UIMC1: variants seen among roughly 807,000 people sequenced by gnomAD.
UIMC1 encodes the protein BRCA1-A complex subunit RAP80.
Under a neutral mutation model 84.9 loss-of-function variants are expected in UIMC1, and 42 were observed. The observed-to-expected ratio is 0.49, with a 90% CI of 0.39 to 0.64. The LOEUF (loss-of-function observed/expected upper bound fraction) is 0.64, where lower values mean the gene tolerates loss of function less well. UIMC1 is among the 30% of genes least tolerant of loss of function. UIMC1 has a pLI of 0.00. For missense variants in UIMC1, 825 were observed against 847.6 expected (o/e 0.97, Z 0.33); for synonymous variants, 281 against 293.0 (o/e 0.96, Z 0.42).
intron 1 of UIMC1, among the ~76,000 whole-genome samples, chr5:176,987,025 G>C (rs1183673527): frequency 5.2e-4 from 79 of 152,120 alleles, no homozygotes; most frequent in African/African-American, 1.9e-3. Context: ...TTTGAGACTA[G>C]CCTGGCCAAT....
intron 12 of UIMC1, 77 bp downstream of exon 12, chr5:176,908,446 C>A (rs1275786382): frequency 7.0e-7 from 1 of 1,422,804 alleles, no homozygotes. Flanking sequence ...GAGGGAAAAG[C>A]CAGAACAGAA....
chr5:176,960,639 GT>G lies in UIMC1; in HGVS notation c.1201-2486del, dbSNP rs1581542355. Among the ~76,000 whole-genome samples the G allele has an allele frequency of 4.8e-5, 3 of 62,790 alleles. 1 individual carries two copies. In the East Asian group the frequency reaches 1.3e-3, roughly 27 times the overall value. 41.2% of individuals were successfully genotyped at this position (62,790 alleles called of 152,430 possible). On this transcript the variant is annotated intron_variant, in intron 6 of 14. Coordinates refer to ENST00000511320, the MANE Select transcript of UIMC1 (RefSeq NM_001199298.2). ...CCCCTCCCCCTCCCCCTCCGTCTCC[GT>G]CTCCGTCTCCGTCTCCGTCTCCGTC... is the stretch of plus-strand genomic sequence containing the variant.
intron 1 of UIMC1, among the ~76,000 whole-genome samples, chr5:176,989,299 G>A (rs62398692): frequency 1.3e-5 from 2 of 152,004 alleles, no homozygotes; most frequent in Non-Finnish European, 2.9e-5. Flanking sequence ...GATAAAACTC[G>A]ACACACAAAC....
At chr5:176,979,468 G>A (rs543003656) in intron 2 of UIMC1, among the ~76,000 whole-genome samples, 2 of 152,136 alleles carry the variant, frequency 1.3e-5, no homozygotes, top group East Asian at 1.9e-4. Context: ...TTAGCCAGGC[G>A]TGGTGGCGCC....
At chr5:176,911,115 G>A (rs1760109482) in intron 11 of UIMC1, among the ~76,000 whole-genome samples, 196 bp downstream of exon 11, 2 of 17,018 alleles carry the variant, frequency 1.2e-4, no homozygotes, top group Non-Finnish European at 1.8e-4. Flanking sequence ...AGAGAGAGAA[G>A]AAAAGAAAAG....
At chr5:176,934,343 A>T (rs1763468513) in intron 10 of UIMC1, among the ~76,000 whole-genome samples, 1 of 152,238 alleles carries the variant, frequency 6.6e-6, no homozygotes, top group Admixed American at 6.5e-5. Flanking sequence ...CTCAAATTCC[A>T]TGAGAATGCA....
chr5:176,999,506 A>AT (rs879922228), intron 1 of UIMC1, among the ~76,000 whole-genome samples: 104 of 146,258 alleles, frequency 7.1e-4, no homozygotes, highest in Non-Finnish European at 8.7e-4. Context: ...TATTGATTCT[A>AT]TTTTTTTTTT....
Position 176,907,170 on chromosome 5 carries a change from C to T in UIMC1, c.1856G>A (p.Gly619Asp). The T allele has an allele frequency of 1.2e-6, 2 of 1,613,574 alleles. No individual in the cohort carries two copies. The highest frequency in any genetic ancestry group is 1.7e-6 in the Non-Finnish European group (2 of 1,179,764). The stretch of plus-strand genomic sequence containing the variant: ...ACTAAGGAGTCGGCCTTCACTGTGG[C>T]CTTTTTCCTGTAACAGAGAAAAACA... ...QQRLKNPKEK[G>D]HSEGRLLSFL... The change falls in exon 13 of 15, where the codon GGC becomes GAC. Residue 619 changes from glycine (G) to aspartate (D), a missense_variant. Coordinates refer to ENST00000511320, the MANE Select transcript of UIMC1 (RefSeq NM_001199298.2).
chr5:176,924,179 A>G (rs1384578328), intron 10 of UIMC1, among the ~76,000 whole-genome samples: 1 of 151,650 alleles, frequency 6.6e-6, no homozygotes, highest in African/African-American at 2.4e-5. Context: ...TTAGCCAGGC[A>G]TGGTGGCAGG....
chr5:176,959,975 G>A (rs1464951578), intron 6 of UIMC1, among the ~76,000 whole-genome samples: 3 of 152,190 alleles, frequency 2.0e-5, no homozygotes, highest in Admixed American at 6.5e-5. Flanking sequence ...AGGTTGCAGT[G>A]AGCCAAGATC....
chr5:176,976,997 C>T (rs909270430), intron 2 of UIMC1, among the ~76,000 whole-genome samples: 2 of 152,022 alleles, frequency 1.3e-5, no homozygotes, highest in South Asian at 2.1e-4. Flanking sequence ...CCCAAGCAGG[C>T]GGATCACCTG....
rs150139383 is a variant in UIMC1, at chr5:176,969,050, T to A, written c.705A>T (p.Glu235Asp). The change falls in exon 6 of 15, where the codon GAA (glutamate) becomes GAT (aspartate). Residue 235 changes from glutamate to aspartate, a missense_variant. By Grantham distance (45) the Glu-to-Asp change is conservative (BLOSUM62 2). Transcript: ENST00000511320. ...GAAAAGCAGAACCCCTCCCAGTACT[T>A]TCCTGTGGCTTCCCACACTGTGTGT... is the stretch of plus-strand genomic sequence containing the variant. ...AEHTQCGKPQ[E>D]STGRGSAFLK... The A allele has an allele frequency of 8.1e-6, 13 of 1,614,134 alleles. No individual in the cohort carries two copies. In the African/African-American group the frequency reaches 1.5e-4, roughly 18 times the overall value.
chr5:176,989,384 G>A (rs1403299116), intron 1 of UIMC1, among the ~76,000 whole-genome samples: 1 of 152,146 alleles, frequency 6.6e-6, no homozygotes, highest in African/African-American at 2.4e-5. Flanking sequence ...AATTAGCCAG[G>A]CGCAGTGGCT....
chr5:176,939,862 T>A (rs1327614628), intron 10 of UIMC1, among the ~76,000 whole-genome samples: 3 of 152,216 alleles, frequency 2.0e-5, no homozygotes, highest in Non-Finnish European at 2.9e-5. Context: ...GGTATTCGCA[T>A]CAAAGCTATA....
chr5:176,972,200 A>C (rs908222919), intron 3 of UIMC1, among the ~76,000 whole-genome samples: 1 of 151,232 alleles, frequency 6.6e-6, no homozygotes, highest in Non-Finnish European at 1.5e-5. Flanking sequence ...GGAGATCGAG[A>C]CCATCCTGGC....
chr5:176,956,950 T>TGC (rs2149463552), intron 7 of UIMC1, among the ~76,000 whole-genome samples: 1 of 152,320 alleles, frequency 6.6e-6, no homozygotes, highest in South Asian at 2.1e-4. Context: ...AGTGCTCTAT[T>TGC]CAAAGGGTCC....
chr5:176,928,550 T>C (rs570425915), intron 10 of UIMC1, among the ~76,000 whole-genome samples: 1 of 152,334 alleles, frequency 6.6e-6, no homozygotes, highest in South Asian at 2.1e-4. Flanking sequence ...CAAAAGCTTT[T>C]TGCAATGTGT....
chr5:177,008,724 G>A (rs2149552887), upstream of UIMC1, among the ~76,000 whole-genome samples: 1 of 152,196 alleles, frequency 6.6e-6, no homozygotes, highest in South Asian at 2.1e-4. Flanking sequence ...CTCTCTTCTT[G>A]TGTGTGGGCT....
rs1759181180 is a variant in UIMC1 at position 176,905,095 on chromosome 5, T to C, written c.*187A>G. 1.9e-6 allele frequency: 1 copy of C among 523,346 alleles called. No homozygotes were observed. 32.4% of individuals were successfully genotyped at this position (523,346 alleles called of 1,614,324 possible). A position where few individuals can be genotyped will look rare whatever the true frequency, so the allele number is the denominator to read the frequency against. On this transcript the variant is annotated 3_prime_UTR_variant, in exon 15 of 15. Transcript: ENST00000511320. ...GTAAGTAAATTCAAACAAACTGTTA[T>C]AAAACAGAATACACAGTTGTCTGCA...
Sources: allele counts gnomAD v4.1 joint callset (sites outside exome capture counted in the v4.1 genomes callset), GRCh38; gene constraint gnomAD v4.1.1; transcripts MANE v1.5; gene names NCBI Gene and HGNC (gene_info 2026-07-23, HGNC 2026-07-21).